DCDC2: variants seen among roughly 807,000 people sequenced by gnomAD.
DCDC2 encodes the protein doublecortin domain containing 2, also known as doublecortin domain-containing protein 2.
Under a neutral mutation model 50.2 loss-of-function variants are expected in DCDC2, and 40 were observed. That is an observed-to-expected ratio of 0.80 (90% CI 0.62 to 1.04). DCDC2 has a LOEUF of 1.04. Among genes scored for constraint, DCDC2 ranks in the 50% least tolerant of loss-of-function variants. The pLI is 0.00. For missense variants in DCDC2, 570 were observed against 581.9 expected (o/e 0.98, Z 0.21); for synonymous variants, 234 against 210.6 (o/e 1.11, Z -0.96).
At chr6:24,282,951 T>C (rs1228543847) in intron 6 of DCDC2, among the ~76,000 whole-genome samples, 4 of 152,168 alleles carry the variant, frequency 2.6e-5, no homozygotes, top group Non-Finnish European at 5.9e-5. Flanking sequence ...CACAGTGACA[T>C]TGTGATACTT....
chr6:24,178,226 G>A (rs1227582206), intron 9 of DCDC2, 104 bp downstream of exon 9: 1 of 1,178,434 alleles, frequency 8.5e-7, no homozygotes, highest in Non-Finnish European at 1.2e-6. Flanking sequence ...ACCACAAGTG[G>A]TTTCAATACA....
At chr6:24,347,761 A>T (rs1760293685) in intron 2 of DCDC2, among the ~76,000 whole-genome samples, 1 of 152,258 alleles carries the variant, frequency 6.6e-6, no homozygotes, top group Non-Finnish European at 1.5e-5. Context: ...ATTATCCTAC[A>T]GGGGCAATAA....
At chr6:24,346,205 CAG>C (rs907246194) in intron 2 of DCDC2, among the ~76,000 whole-genome samples, 30 of 147,370 alleles carry the variant, frequency 2.0e-4, no homozygotes, top group African/African-American at 7.5e-4. Flanking sequence ...CATGGATTTA[CAG>C]AAACAAAAAT....
At chr6:24,369,133 C>CAAAAA in the DCDC2 span, among the ~76,000 whole-genome samples, 2 of 92,774 alleles carry the variant, frequency 2.2e-5, no homozygotes, top group African/African-American at 9.7e-5. Flanking sequence ...GACTCTGTCT[C>CAAAAA]AAAAAAAAAA....
At chr6:24,363,302 T>G in the DCDC2 span, among the ~76,000 whole-genome samples, 3 of 152,142 alleles carry the variant, frequency 2.0e-5, no homozygotes, top group Non-Finnish European at 2.9e-5. Flanking sequence ...GAGACCAGCC[T>G]GGCCAACATG....
chr6:24,303,427 A>G (rs949329090), intron 2 of DCDC2, among the ~76,000 whole-genome samples: 1 of 151,826 alleles, frequency 6.6e-6, no homozygotes, highest in African/African-American at 2.4e-5. Flanking sequence ...CCCTGCATCC[A>G]CACCTTGCCT....
At chr6:24,275,236 A>G (rs1763326615) in intron 7 of DCDC2, among the ~76,000 whole-genome samples, 1 of 152,194 alleles carries the variant, frequency 6.6e-6, no homozygotes, top group Non-Finnish European at 1.5e-5. Flanking sequence ...GGCTGAATTA[A>G]AGAGAGAAAT....
At chr6:24,330,413 A>G (rs1684477452) in intron 2 of DCDC2, among the ~76,000 whole-genome samples, 1 of 152,192 alleles carries the variant, frequency 6.6e-6, no homozygotes, top group African/African-American at 2.4e-5. Flanking sequence ...AACCAAAGTA[A>G]AGGGTCAGGT....
At chr6:24,358,980 A>T (rs182037435), upstream of DCDC2, among the ~76,000 whole-genome samples, 28 of 16,046 alleles carry the variant, frequency 1.7e-3, 1 homozygote, top group African/African-American at 7.2e-3. Context: ...TATTTTATAC[A>T]TTATATATTA....
chr6:24,301,228 G>A (rs192116619), intron 4 of DCDC2, among the ~76,000 whole-genome samples: 1,597 of 151,858 alleles, frequency 0.011, 24 homozygotes, highest in African/African-American at 0.036. Context: ...AAAATTAGCC[G>A]GGCGTGGTGG....
intron 9 of DCDC2, among the ~76,000 whole-genome samples, chr6:24,176,985 C>G (rs1760930752): frequency 6.6e-6 from 1 of 152,186 alleles, no homozygotes; most frequent in African/African-American, 2.4e-5. Context: ...GACAGGCAAT[C>G]CATTCATTTC....
At chr6:24,219,725 C>T (rs1431205170) in intron 7 of DCDC2, among the ~76,000 whole-genome samples, 2 of 152,190 alleles carry the variant, frequency 1.3e-5, no homozygotes, top group Non-Finnish European at 2.9e-5. Context: ...AATTCTTAAT[C>T]ATTTTATCCT....
intron 2 of DCDC2, among the ~76,000 whole-genome samples, chr6:24,303,641 AC>A (rs1759421276): frequency 6.6e-6 from 1 of 152,194 alleles, no homozygotes; most frequent in Admixed American, 6.5e-5. Context: ...AGGAAAACTT[AC>A]AAACAACACT....
intron 7 of DCDC2, among the ~76,000 whole-genome samples, chr6:24,271,831 A>T (rs1241321641): frequency 6.6e-6 from 1 of 152,214 alleles, no homozygotes; most frequent in Non-Finnish European, 1.5e-5. Context: ...GTATCAAAAT[A>T]CCTATTTAAA....
At chr6:24,235,717 A>C (rs1762429451) in intron 7 of DCDC2, among the ~76,000 whole-genome samples, 1 of 152,198 alleles carries the variant, frequency 6.6e-6, no homozygotes, top group Admixed American at 6.5e-5. Context: ...AAAAGCTGGA[A>C]GCATTCCCCT....
the DCDC2 span, among the ~76,000 whole-genome samples, chr6:24,371,458 A>G: frequency 6.6e-6 from 1 of 152,056 alleles, no homozygotes; most frequent in Non-Finnish European, 1.5e-5. Flanking sequence ...TACAGAAAAA[A>G]TTAGCCGGGT....
At chr6:24,296,927 A>T (rs994702006) in intron 4 of DCDC2, among the ~76,000 whole-genome samples, 2 of 152,256 alleles carry the variant, frequency 1.3e-5, no homozygotes, top group African/African-American at 4.8e-5. Flanking sequence ...AGCTAAAAAC[A>T]GAACTACCGT....
chr6:24,204,970 C>T, intron 8 of DCDC2, 32 bp downstream of exon 8: 1 of 1,589,116 alleles, frequency 6.3e-7, no homozygotes, highest in Non-Finnish European at 8.6e-7. Context: ...CTATAATTGT[C>T]TTACACATAT....
intron 2 of DCDC2, among the ~76,000 whole-genome samples, chr6:24,326,083 G>C (rs1451074205): frequency 1.4e-5 from 2 of 142,180 alleles, no homozygotes; most frequent in Non-Finnish European, 3.1e-5. Context: ...ACCAAAGAAA[G>C]AAAGAAAGGA....
Sources: gnomAD v4.1 joint callset for allele counts (sites outside exome capture counted in the v4.1 genomes callset) on GRCh38, gnomAD v4.1.1 for gene constraint, MANE v1.5 for transcripts, NCBI Gene and HGNC (gene_info 2026-07-23, HGNC 2026-07-21) for gene names.